CSMD1: variants seen among roughly 807,000 people sequenced by gnomAD.
CSMD1 encodes CUB and sushi domain-containing protein 1.
In CSMD1, 213 loss-of-function variants were observed where a neutral mutation model predicts 417.5. The observed-to-expected ratio is 0.51, with a 90% CI of 0.46 to 0.57. The LOEUF is 0.57. CSMD1 is among the 20% of genes least tolerant of loss of function. The pLI is 0.00. For missense variants in CSMD1, 6,923 were observed against 4,529.7 expected (o/e 1.53, Z -15.17); for synonymous variants, 2,862 against 1,736.8 (o/e 1.65, Z -16.11).
chr8:4,808,251 C>CA (rs1798700715), intron 1 of CSMD1, among the ~76,000 whole-genome samples: 1 of 152,132 alleles, frequency 6.6e-6, no homozygotes, highest in Non-Finnish European at 1.5e-5. Context: ...GAACGATGAT[C>CA]AGAGCATTTA....
chr8:3,346,932 A>G (rs572202223), intron 22 of CSMD1, among the ~76,000 whole-genome samples: 1 of 152,308 alleles, frequency 6.6e-6, no homozygotes, highest in African/African-American at 2.4e-5. Flanking sequence ...GTCCAACTAA[A>G]TTGCTCACCT....
chr8:3,961,025 A>G (rs1303948156), intron 5 of CSMD1, among the ~76,000 whole-genome samples: 2 of 152,022 alleles, frequency 1.3e-5, no homozygotes, highest in Non-Finnish European at 2.9e-5. Flanking sequence ...TACAATTCCC[A>G]TTTTAAAAAA....
chr8:4,601,530 T>C (rs4875370), intron 2 of CSMD1, among the ~76,000 whole-genome samples: 12,216 of 152,220 alleles, frequency 0.08, 654 homozygotes, highest in South Asian at 0.14. Context: ...TAAAGGAACT[T>C]CTATGGTCAT....
At chr8:3,513,405 C>T (rs1331714490) in intron 10 of CSMD1, among the ~76,000 whole-genome samples, 1 of 150,974 alleles carries the variant, frequency 6.6e-6, no homozygotes, top group Non-Finnish European at 1.5e-5. Context: ...GTGCTCACTG[C>T]AACCTCTGCC....
intron 7 of CSMD1, among the ~76,000 whole-genome samples, chr8:3,707,628 T>C (rs1336126125): frequency 6.6e-6 from 1 of 152,124 alleles, no homozygotes; most frequent in Admixed American, 6.5e-5. Context: ...ATGACATGTG[T>C]AAGGTCGTGT....
chr8:3,472,081 T>A (rs983341270), intron 11 of CSMD1, among the ~76,000 whole-genome samples: 1 of 152,118 alleles, frequency 6.6e-6, no homozygotes, highest in African/African-American at 2.4e-5. Flanking sequence ...GTCCTCTCCC[T>A]TCGTGTAGCC....
chr8:3,790,939 T>A (rs561564571), intron 5 of CSMD1, among the ~76,000 whole-genome samples: 1 of 152,170 alleles, frequency 6.6e-6, no homozygotes, highest in East Asian at 1.9e-4. Context: ...AGATGACACC[T>A]GTCATTTTAA....
intron 5 of CSMD1, among the ~76,000 whole-genome samples, chr8:3,902,016 A>G (rs1807786927): frequency 6.6e-6 from 1 of 152,012 alleles, no homozygotes; most frequent in Admixed American, 6.6e-5. Context: ...CTCTTACTCT[A>G]TTCCATTTAT....
chr8:3,455,665 C>T (rs1186172186), intron 12 of CSMD1, among the ~76,000 whole-genome samples: 1 of 152,222 alleles, frequency 6.6e-6, no homozygotes, highest in Admixed American at 6.5e-5. Context: ...CTGATCCTTC[C>T]TCTGGAAATT....
intron 3 of CSMD1, among the ~76,000 whole-genome samples, chr8:4,116,655 C>T (rs1322429799): frequency 6.7e-6 from 1 of 150,346 alleles, no homozygotes; most frequent in Non-Finnish European, 1.5e-5. Context: ...GTAAGCTGTA[C>T]ACATCCGACG....
At chr8:4,128,381 C>A (rs1802890629) in intron 3 of CSMD1, among the ~76,000 whole-genome samples, 1 of 152,126 alleles carries the variant, frequency 6.6e-6, no homozygotes, top group Non-Finnish European at 1.5e-5. Context: ...GTAAACAGTA[C>A]CTTCGATTTG....
intron 30 of CSMD1, among the ~76,000 whole-genome samples, chr8:3,206,095 T>C (rs1254795493): frequency 6.6e-6 from 1 of 152,166 alleles, no homozygotes; most frequent in African/African-American, 2.4e-5. Context: ...TTTCATCTTA[T>C]AGTTTCAGTA....
Position 3,945,429 on chromosome 8 carries a change from A to T in CSMD1, c.818+52474T>A, listed in dbSNP as rs188910829. On this transcript the variant is annotated intron_variant, in intron 5 of 69. Transcript: ENST00000635120. ...TTTTTTGGGGGGGCATATTACAAATAACTTCAATAGTCTAACTGCTAATCT... is the reference window on the plus strand; with the variant it reads ...TTTTTTGGGGGGGCATATTACAAATTACTTCAATAGTCTAACTGCTAATCT... 6.5e-4 allele frequency among the ~76,000 whole-genome samples: 99 copies of T among 152,240 alleles called. 1 individual carries two copies. Among genetic ancestry groups the T allele is most frequent in the South Asian group, 6.2e-3 (30 of 4,820 alleles).
intron 5 of CSMD1, among the ~76,000 whole-genome samples, chr8:3,804,551 G>A (rs1479567056): frequency 2.6e-5 from 4 of 152,162 alleles, no homozygotes; most frequent in Middle Eastern, 3.4e-3. Context: ...AATGAGATTA[G>A]CAAAATGCAG....
chr8:4,133,870 C>T (rs919817432), intron 3 of CSMD1, among the ~76,000 whole-genome samples: 1 of 152,010 alleles, frequency 6.6e-6, no homozygotes, highest in African/African-American at 2.4e-5. Context: ...CATATAAAGA[C>T]AGGAAATTTT....
chr8:3,191,994 CT>C (rs1796453558), intron 33 of CSMD1, among the ~76,000 whole-genome samples: 1 of 152,150 alleles, frequency 6.6e-6, no homozygotes, highest in Non-Finnish European at 1.5e-5. Flanking sequence ...ACACTGGAAT[CT>C]GTTTTATTTA....
intron 4 of CSMD1, among the ~76,000 whole-genome samples, chr8:4,028,247 A>G (rs563715348): frequency 4.6e-4 from 70 of 152,320 alleles, no homozygotes; most frequent in Non-Finnish European, 5.7e-4. Flanking sequence ...CCCAAATCTA[A>G]CATCTATTAG....
At chr8:4,914,532 C>G (rs528512220) in intron 1 of CSMD1, among the ~76,000 whole-genome samples, 2 of 147,962 alleles carry the variant, frequency 1.4e-5, no homozygotes, top group South Asian at 2.1e-4. Context: ...GAGCTGAGAT[C>G]GCGCCACTGC....
chr8:4,342,205 CTGTG>C (rs58235838), intron 3 of CSMD1, among the ~76,000 whole-genome samples: 12,448 of 150,588 alleles, frequency 0.083, 592 homozygotes, highest in South Asian at 0.19. Context: ...AGTGCTGTGT[CTGTG>C]TGTGTGTGTG....
Sources: allele counts gnomAD v4.1 joint callset (sites outside exome capture counted in the v4.1 genomes callset), GRCh38; gene constraint gnomAD v4.1.1; transcripts MANE v1.5; gene names NCBI Gene and HGNC (gene_info 2026-07-23, HGNC 2026-07-21).